RASSF3: variants seen among roughly 807,000 people sequenced by gnomAD.
RASSF3 encodes the protein ras association domain-containing protein 3.
A neutral mutation model predicts 19.9 loss-of-function variants in RASSF3; 19 were observed. That is an observed-to-expected ratio of 0.96 (90% CI 0.67 to 1.40). The LOEUF (loss-of-function observed/expected upper bound fraction) is 1.40, where lower values mean the gene tolerates loss of function less well. Among genes scored for constraint, RASSF3 ranks in the 40% most tolerant of loss-of-function variants. RASSF3 has a pLI of 0.00. For synonymous variants in RASSF3, 110 were observed against 104.2 expected (o/e 1.06, Z -0.34); for missense variants, 306 against 289.8 (o/e 1.06, Z -0.41).
intron 2 of RASSF3, among the ~76,000 whole-genome samples, chr12:64,547,437 C>T (rs1447105466): frequency 2.0e-5 from 3 of 151,992 alleles, no homozygotes; most frequent in African/African-American, 7.3e-5. Flanking sequence ...CGTGGTGGGA[C>T]ACACCTGTAG....
At chr12:64,614,352 TC>T (rs1342698476) in intron 1 of RASSF3, among the ~76,000 whole-genome samples, 5 of 152,116 alleles carry the variant, frequency 3.3e-5, no homozygotes, top group Admixed American at 3.3e-4. Context: ...GGTCTTGAAT[TC>T]CTGACCTCAG....
chr12:64,551,537 C>T (rs972528213), intron 2 of RASSF3, among the ~76,000 whole-genome samples: 1 of 152,136 alleles, frequency 6.6e-6, no homozygotes, highest in Non-Finnish European at 1.5e-5. Context: ...GATCATGCCA[C>T]TGCACTCCAA....
upstream of RASSF3, among the ~76,000 whole-genome samples, chr12:64,606,376 G>T (rs922626560): frequency 7.9e-5 from 12 of 152,134 alleles, no homozygotes; most frequent in Admixed American, 5.2e-4. Context: ...ATGCAATAAG[G>T]TCTAATATTT....
At chr12:64,616,825 A>G (rs968275794) in intron 1 of RASSF3, among the ~76,000 whole-genome samples, 1 of 152,194 alleles carries the variant, frequency 6.6e-6, no homozygotes, top group Non-Finnish European at 1.5e-5. Flanking sequence ...TAGGACTCCA[A>G]CAATATTAGC....
At chr12:64,583,647 G>A (rs1463042094) in intron 2 of RASSF3, among the ~76,000 whole-genome samples, 4 of 152,018 alleles carry the variant, frequency 2.6e-5, no homozygotes, top group Non-Finnish European at 4.4e-5. Context: ...CAAAACACCA[G>A]CGTTTCAGTC....
intron 1 of RASSF3, among the ~76,000 whole-genome samples, chr12:64,635,462 C>T (rs1018237626): frequency 1.3e-5 from 2 of 152,174 alleles, no homozygotes; most frequent in African/African-American, 4.8e-5. Context: ...TTAATGACCA[C>T]TGTCAATGTC....
chr12:64,625,679 G>A (rs974456130), intron 1 of RASSF3, among the ~76,000 whole-genome samples: 11 of 152,068 alleles, frequency 7.2e-5, no homozygotes, highest in African/African-American at 2.7e-4. Flanking sequence ...ACTGTATAAC[G>A]TGCTGCAAAG....
intron 1 of RASSF3, among the ~76,000 whole-genome samples, chr12:64,508,025 T>C (rs1346425207): frequency 6.6e-6 from 1 of 152,212 alleles, no homozygotes; most frequent in Non-Finnish European, 1.5e-5. Context: ...CTCACACTAC[T>C]GTAAGCCAAT....
chr12:64,617,704 C>T (rs528411843), intron 1 of RASSF3, among the ~76,000 whole-genome samples: 6 of 152,232 alleles, frequency 3.9e-5, no homozygotes, highest in Non-Finnish European at 8.8e-5. Flanking sequence ...ATTACAGGTG[C>T]GTGCCACCAC....
At chr12:64,585,812 T>TCAC (rs1172165496) in intron 2 of RASSF3, among the ~76,000 whole-genome samples, 1 of 151,926 alleles carries the variant, frequency 6.6e-6, no homozygotes, top group Non-Finnish European at 1.5e-5. Flanking sequence ...CACCACGTTG[T>TCAC]CCAGGCTGGT....
At chr12:64,671,916 C>T (rs2136207452) in intron 1 of RASSF3, among the ~76,000 whole-genome samples, 1 of 152,314 alleles carries the variant, frequency 6.6e-6, no homozygotes, top group African/African-American at 2.4e-5. Context: ...ATCAAAGAGC[C>T]ATCTTGAGTG....
chr12:64,531,637 AAAT>A (rs1446952069), upstream of RASSF3, among the ~76,000 whole-genome samples: 1 of 152,246 alleles, frequency 6.6e-6, no homozygotes, highest in African/African-American at 2.4e-5. Flanking sequence ...TTAATATAAA[AAAT>A]AATGTTGCCT....
At chr12:64,627,330 AG>A (rs1238034820) in intron 1 of RASSF3, among the ~76,000 whole-genome samples, 2 of 152,210 alleles carry the variant, frequency 1.3e-5, no homozygotes, top group African/African-American at 4.8e-5. Flanking sequence ...AACAATTGAT[AG>A]CTAAGCATCA....
chr12:64,595,033 T>C (rs558172464), intron 2 of RASSF3, among the ~76,000 whole-genome samples: 1 of 149,054 alleles, frequency 6.7e-6, no homozygotes, highest in East Asian at 2.0e-4. Flanking sequence ...AACACAACTC[T>C]TACCATCTGA....
upstream of RASSF3, among the ~76,000 whole-genome samples, chr12:64,530,292 A>T (rs1868679446): frequency 6.8e-6 from 1 of 146,336 alleles, no homozygotes; most frequent in Non-Finnish European, 1.5e-5. Context: ...GCTGAATAGT[A>T]TTCCAGTGCA....
intron 1 of RASSF3, among the ~76,000 whole-genome samples, chr12:64,516,915 A>G (rs1201649221): frequency 1.4e-5 from 2 of 147,528 alleles, no homozygotes; most frequent in African/African-American, 5.0e-5. Flanking sequence ...AGGAGAATCA[A>G]TTGAACCTGG....
intron 1 of RASSF3, among the ~76,000 whole-genome samples, chr12:64,516,345 C>T (rs577448623): frequency 6.6e-6 from 1 of 152,266 alleles, no homozygotes; most frequent in Non-Finnish European, 1.5e-5. Context: ...ACCGGCCGGG[C>T]GCGGTGGCTC....
intron 3 of RASSF3, among the ~76,000 whole-genome samples, chr12:64,689,849 G>T (rs551981505): frequency 2.1e-5 from 3 of 139,948 alleles, no homozygotes; most frequent in Non-Finnish European, 4.6e-5. Context: ...GTGCAGTGGC[G>T]CAATCTTGGC....
At chr12:64,528,719 G>T (rs1250787227), upstream of RASSF3, among the ~76,000 whole-genome samples, 4 of 152,212 alleles carry the variant, frequency 2.6e-5, no homozygotes, top group African/African-American at 9.6e-5. Context: ...TCCAGCCCCA[G>T]GGTGGGTGCT....
Sources: gnomAD v4.1 joint callset for allele counts (sites outside exome capture counted in the v4.1 genomes callset) on GRCh38, gnomAD v4.1.1 for gene constraint, MANE v1.5 for transcripts, NCBI Gene and HGNC (gene_info 2026-07-23, HGNC 2026-07-21) for gene names.